UBN1: variants seen among roughly 807,000 people sequenced by gnomAD.
UBN1 encodes ubinuclein-1.
UBN1 carries 17 observed loss-of-function variants against 108.5 expected under a neutral mutation model. The ratio of observed to expected loss-of-function variants is 0.16; its 90% CI spans 0.11 to 0.24. The LOEUF (loss-of-function observed/expected upper bound fraction) is 0.24, where lower values mean the gene tolerates loss of function less well. Ranked by LOEUF, UBN1 falls within the 10% of genes least tolerant of loss-of-function variation. The probability of loss-of-function intolerance (pLI) is 1.00; values close to 1 mark genes in which losing one functional copy is unlikely to be tolerated. For missense variants in UBN1, 1,595 were observed against 1,394.4 expected (o/e 1.14, Z -2.29); for synonymous variants, 726 against 564.2 (o/e 1.29, Z -4.07).
intron 17 of UBN1, among the ~76,000 whole-genome samples, chr16:4,878,146 C>T (rs911740902): frequency 1.6e-4 from 24 of 152,194 alleles, no homozygotes; most frequent in Non-Finnish European, 2.6e-4. Context: ...GAACTGGGCT[C>T]AGGTGCCCCG....
chr16:4,859,224 GT>G (rs2086942696), intron 5 of UBN1, 65 bp downstream of exon 5: 1 of 1,573,206 alleles, frequency 6.4e-7, no homozygotes, highest in Admixed American at 1.8e-5. Flanking sequence ...AGATCAGTAG[GT>G]GACTTGCCAG....
rs764346201 is a variant in UBN1 at position 4,874,221 on chromosome 16, C to G, written c.1811C>G (p.Thr604Arg). ...PSKIKVKESS[T>R]KPDKKVSVPS... is the part of the protein sequence containing the mutation. ...TCTGTTTTCCTTTAGGAATCGTCTA[C>G]GAAGCCTGATAAAAAGGTTTCTGTC... is the stretch of plus-strand genomic sequence containing the variant. The change falls in exon 15 of 18, where the codon ACG (threonine) becomes AGG (arginine). Residue 604 changes from threonine (T) to arginine (R), a missense_variant. Physicochemically the swap from Thr to Arg is moderately conservative, Grantham distance 71. This residue lies in a region of UBN1 where 1,398 missense variants were observed against 1,194.7 expected (regional missense o/e 1.17). Coordinates refer to ENST00000262376, the MANE Select transcript of UBN1 (RefSeq NM_001079514.3). 2 of 1,557,626 alleles carry G rather than the reference C, an allele frequency of 1.3e-6. No homozygotes were observed. The highest frequency in any genetic ancestry group is 2.4e-5 in the South Asian group (2 of 83,710).
At chr16:4,850,027 A>G (rs1030962823) in intron 1 of UBN1, among the ~76,000 whole-genome samples, 9 of 151,940 alleles carry the variant, frequency 5.9e-5, no homozygotes, top group Admixed American at 6.6e-5. Flanking sequence ...CTAATAGATA[A>G]ATGTAAGTTT....
intron 1 of UBN1, among the ~76,000 whole-genome samples, chr16:4,851,765 G>C (rs1211600734): frequency 6.6e-6 from 1 of 152,016 alleles, no homozygotes; most frequent in East Asian, 1.9e-4. Context: ...TGAGGCTGAA[G>C]TGGCTGTGAT....
At chr16:4,852,395 A>T (rs1207314138) in intron 1 of UBN1, 1 of 154,282 alleles carries the variant, frequency 6.5e-6, no homozygotes, top group Non-Finnish European at 1.4e-5. Context: ...CACCCTCCTG[A>T]GTCACTGGTT....
Position 4,859,135 on chromosome 16 carries a change from A to T in UBN1, c.543A>T (p.Lys181Asn). ...QASESEDDFI[K>N]EKKKKSPKKR... ...CAGAGTCTGAAGATGACTTCATTAA[A>T]GAAAAGAAGAAAAAATCTCCAAAGG... The change falls in exon 5 of 18, where the codon AAA becomes AAT. Residue 181 changes from lysine to asparagine, a missense_variant. By Grantham distance (94) the Lys-to-Asn change is moderately conservative (BLOSUM62 0). Coordinates refer to ENST00000262376, the MANE Select transcript of UBN1 (RefSeq NM_001079514.3). 6.2e-7 allele frequency: 1 copy of T among 1,613,450 alleles called. No individual in the cohort carries two copies. The highest frequency in any genetic ancestry group is 1.1e-5 in the South Asian group (1 of 90,906).
intron 8 of UBN1, 62 bp from the exon 9 acceptor site, chr16:4,870,150 A>G (rs1324730918): frequency 1.2e-6 from 2 of 1,605,850 alleles, no homozygotes; most frequent in African/African-American, 2.7e-5. Context: ...ACGTACGGTG[A>G]GCTGATGAAG....
At chr16:4,852,223 A>T (rs912797717) in intron 1 of UBN1, 7 of 152,270 alleles carry the variant, frequency 4.6e-5, no homozygotes, top group Non-Finnish European at 7.3e-5. Context: ...TATTCTGTGA[A>T]CATTTGGAAT....
chr16:4,855,579 G>A (rs1489134611), intron 2 of UBN1, among the ~76,000 whole-genome samples: 4 of 137,248 alleles, frequency 2.9e-5, no homozygotes, highest in African/African-American at 5.6e-5. Context: ...TCACACCACC[G>A]CACTGGGTGA....
In UBN1 at chr16:4,847,500, C is replaced by A; in HGVS notation, c.-750C>A. The A allele has an allele frequency of 1.8e-6, 1 of 547,148 alleles. No individual in the cohort carries two copies. Among genetic ancestry groups the A allele is most frequent in the Non-Finnish European group, 3.1e-6 (1 of 324,830 alleles). The allele number at this position is 547,148 out of a possible 1,614,324, so 33.9% of individuals were successfully genotyped here. A position where few individuals can be genotyped will look rare whatever the true frequency, so the allele number is the denominator to read the frequency against. ...ACTCCCGGCTCCTTCCCCCTCCCTT[C>A]GGCTCGTGACAACGAAGCGCCCGCG... is the stretch of plus-strand genomic sequence containing the variant. On this transcript the variant is annotated 5_prime_UTR_variant, in exon 1 of 18. Coordinates refer to ENST00000262376, the MANE Select transcript of UBN1 (RefSeq NM_001079514.3).
chr16:4,879,179 G>A (rs2088003844), intron 17 of UBN1, among the ~76,000 whole-genome samples: 1 of 152,160 alleles, frequency 6.6e-6, no homozygotes, highest in Non-Finnish European at 1.5e-5. Context: ...AAAAGGAGAT[G>A]AAAAACGTTT....
At position 4,870,449 on chromosome 16, in the gene UBN1, C is replaced by A. The variant is rs1211126823; in HGVS notation, c.1312-67C>A. 5 of 1,610,638 alleles carry A rather than the reference C, an allele frequency of 3.1e-6. No homozygotes were observed. In the East Asian group the frequency reaches 8.9e-5, roughly 29 times the overall value. On this transcript the variant is annotated intron_variant, in intron 9 of 17. Coordinates refer to ENST00000262376, the MANE Select transcript of UBN1 (RefSeq NM_001079514.3). Reference sequence around the variant, plus strand: ...GCCCCACTGCCTCCTTGTGATCACCCCATCATGCGTCCTGAGCGTAAGAGC... The same window carrying A: ...GCCCCACTGCCTCCTTGTGATCACCACATCATGCGTCCTGAGCGTAAGAGC...
intron 7 of UBN1, among the ~76,000 whole-genome samples, chr16:4,863,523 G>A (rs985768431): frequency 5.3e-5 from 8 of 152,002 alleles, no homozygotes; most frequent in South Asian, 2.1e-4. Context: ...AATGGACATC[G>A]CATTTTTAAA....
chr16:4,856,038 A>G (rs2086792417), intron 2 of UBN1, among the ~76,000 whole-genome samples: 2 of 152,248 alleles, frequency 1.3e-5, no homozygotes, highest in Non-Finnish European at 2.9e-5. Flanking sequence ...CATGAGCACC[A>G]CTGGGCAGAA....
chr16:4,871,374 A>G (rs1200138440), intron 12 of UBN1, 73 bp downstream of exon 12: 3 of 1,552,862 alleles, frequency 1.9e-6, no homozygotes, highest in African/African-American at 2.7e-5. Flanking sequence ...TGCCAGGCCA[A>G]CAGGATCCTT....
At chr16:4,863,683 C>A (rs1274816603) in intron 7 of UBN1, among the ~76,000 whole-genome samples, 1 of 152,098 alleles carries the variant, frequency 6.6e-6, no homozygotes, top group Non-Finnish European at 1.5e-5. Flanking sequence ...ACACACAAAT[C>A]AGTTTCTATC....
At chr16:4,857,172 T>G (rs7184484) in intron 2 of UBN1, among the ~76,000 whole-genome samples, 5 of 151,386 alleles carry the variant, frequency 3.3e-5, no homozygotes, top group Admixed American at 3.3e-4. Context: ...TGAAACCCTA[T>G]CTATACAAAA....
chr16:4,849,967 C>CAAAAAAAAAAA (rs1427006025), intron 1 of UBN1, among the ~76,000 whole-genome samples: 12 of 117,702 alleles, frequency 1.0e-4, no homozygotes, highest in African/African-American at 3.8e-4. Context: ...AAAAAAAAAA[C>CAAAAAAAAAAA]CACAAAAAAA....
At chr16:4,867,701 G>A (rs2087404471) in intron 7 of UBN1, among the ~76,000 whole-genome samples, 2 of 152,100 alleles carry the variant, frequency 1.3e-5, no homozygotes, top group Non-Finnish European at 2.9e-5. Flanking sequence ...TGGTGGAGGA[G>A]GCAGATGGAG....
Sources: gnomAD v4.1 joint callset for allele counts (sites outside exome capture counted in the v4.1 genomes callset) on GRCh38, gnomAD v4.1.1 for gene constraint, gnomAD v4.1.1 regional missense constraint, MANE v1.5 for transcripts, NCBI Gene and HGNC (gene_info 2026-07-23, HGNC 2026-07-21) for gene names.